Variants in TMEM132C observed in about 807,000 individuals in gnomAD.
The protein encoded by TMEM132C is transmembrane protein 132C.
Under a neutral mutation model 61.4 loss-of-function variants are expected in TMEM132C, and 29 were observed. The ratio of observed to expected loss-of-function variants is 0.47; its 90% CI spans 0.35 to 0.64. The LOEUF is 0.64. Ranked by LOEUF, TMEM132C falls within the 30% of genes least tolerant of loss-of-function variation. The pLI, the probability that TMEM132C is intolerant of heterozygous loss-of-function variation, is 0.00. For missense variants in TMEM132C, 1,408 were observed against 1,476.9 expected (o/e 0.95, Z 0.76); for synonymous variants, 656 against 633.1 (o/e 1.04, Z -0.54).
intron 3 of TMEM132C, among the ~76,000 whole-genome samples, chr12:128,613,664 T>C (rs1876708649): frequency 6.6e-6 from 1 of 152,202 alleles, no homozygotes; most frequent in African/African-American, 2.4e-5. Flanking sequence ...TTCCCGGCCC[T>C]GTGAACTTAA....
At chr12:128,530,326 A>G (rs1294097770) in intron 2 of TMEM132C, among the ~76,000 whole-genome samples, 1 of 152,076 alleles carries the variant, frequency 6.6e-6, no homozygotes, top group Non-Finnish European at 1.5e-5. Context: ...GAGGAAAAAG[A>G]CCTTGATTTA....
Position 128,326,309 on chromosome 12 carries a change from C to T in TMEM132C, c.85+58822C>T, listed in dbSNP as rs868108258. 1.3e-5 allele frequency among the ~76,000 whole-genome samples: 2 copies of T among 152,112 alleles called. No homozygotes were observed. The highest frequency in any genetic ancestry group is 6.5e-5 in the Admixed American group (1 of 15,270). On this transcript the variant is annotated intron_variant, in intron 1 of 8. Transcript: ENST00000435159. This position sits in a 1 kb window ranked among gnomAD's most constrained non-coding sequence, Gnocchi z 5.6. Reference sequence around the variant, plus strand: ...GCCTCCCTGGGCTCTTCTCCGTGTCCGATTCTCTGGATATGAGAGTGTTGT... The same window carrying T: ...GCCTCCCTGGGCTCTTCTCCGTGTCTGATTCTCTGGATATGAGAGTGTTGT...
At chr12:128,388,067 A>G (rs554121759) in intron 1 of TMEM132C, among the ~76,000 whole-genome samples, 2 of 152,256 alleles carry the variant, frequency 1.3e-5, no homozygotes, top group South Asian at 2.1e-4. Context: ...CAGGGCTTCT[A>G]TTTCACCCAG....
At chr12:128,569,908 A>G (rs78221893) in intron 3 of TMEM132C, among the ~76,000 whole-genome samples, 2,653 of 152,284 alleles carry the variant, frequency 0.017, 75 homozygotes, top group African/African-American at 0.06. Context: ...ATAAAATAAA[A>G]AACCAACCTC....
rs572785740 is a variant in TMEM132C at position 128,536,397 on chromosome 12, G to C, written c.975-7560G>C. On this transcript the variant is annotated intron_variant, in intron 2 of 8. Transcript: ENST00000435159. ...CACACACCAGGGCCTGTCATGGGGT[G>C]GGGGGCTGGGGGAGGGATAGCATTA... Among the ~76,000 whole-genome samples the C allele has an allele frequency of 1.9e-4, 29 of 152,226 alleles. No homozygotes were observed. The South Asian group carries it at 6.0e-3, about 32-fold the overall frequency.
chr12:128,431,514 C>T (rs1266845091), intron 2 of TMEM132C, among the ~76,000 whole-genome samples: 1 of 150,414 alleles, frequency 6.6e-6, no homozygotes, highest in Non-Finnish European at 1.5e-5. Flanking sequence ...GAAATAGCTT[C>T]CTCTTGGATC....
At chr12:128,622,365 A>ATATG (rs1953976151) in intron 4 of TMEM132C, among the ~76,000 whole-genome samples, 1 of 52,314 alleles carries the variant, frequency 1.9e-5, no homozygotes, top group East Asian at 5.0e-4. Flanking sequence ...AAAAAAATAT[A>ATATG]TATATATATA....
chr12:128,472,450 G>A (rs1032900567), intron 2 of TMEM132C, among the ~76,000 whole-genome samples: 1 of 152,190 alleles, frequency 6.6e-6, no homozygotes, highest in Non-Finnish European at 1.5e-5. Flanking sequence ...ACTCCAGGGA[G>A]CCTTAGTAGG....
At chr12:128,600,984 G>C (rs1876164415) in intron 3 of TMEM132C, among the ~76,000 whole-genome samples, 2 of 152,262 alleles carry the variant, frequency 1.3e-5, no homozygotes, top group African/African-American at 4.8e-5. Flanking sequence ...CTTTTGCATA[G>C]TTAATTCAGC....
chr12:128,493,116 C>T (rs1317096108), intron 2 of TMEM132C, among the ~76,000 whole-genome samples: 8 of 152,100 alleles, frequency 5.3e-5, no homozygotes, highest in Non-Finnish European at 1.5e-5. Context: ...AATCCTTTCC[C>T]CATTTCTTGT....
intron 1 of TMEM132C, among the ~76,000 whole-genome samples, chr12:128,303,842 A>G (rs1293035690): frequency 6.6e-6 from 1 of 152,164 alleles, no homozygotes. Flanking sequence ...CTCAGACCTC[A>G]GGAGGTTTCT....
intron 1 of TMEM132C, among the ~76,000 whole-genome samples, chr12:128,316,922 C>T (rs964318548): frequency 1.3e-4 from 20 of 152,214 alleles, no homozygotes; most frequent in African/African-American, 4.3e-4. Flanking sequence ...GGGAACCCAC[C>T]ACCCGCAACT....
chr12:128,650,459 C>A (rs937800428), intron 4 of TMEM132C, among the ~76,000 whole-genome samples: 1 of 152,054 alleles, frequency 6.6e-6, no homozygotes, highest in Non-Finnish European at 1.5e-5. Flanking sequence ...CATGGTGGCT[C>A]ACATCTGTAA....
At chr12:128,636,564 T>TTGTGTGTGTGTGTGTGTG (rs61201583) in intron 4 of TMEM132C, among the ~76,000 whole-genome samples, 6 of 142,254 alleles carry the variant, frequency 4.2e-5, no homozygotes, top group African/African-American at 1.6e-4. Flanking sequence ...GGGTTTTTGT[T>TTGTGTGTGTGTGTGTGTG]TGTGTGTGTG....
chr12:128,466,966 G>A (rs1721580121), intron 2 of TMEM132C, among the ~76,000 whole-genome samples: 2 of 152,124 alleles, frequency 1.3e-5, no homozygotes, highest in African/African-American at 4.8e-5. Flanking sequence ...AGACTTTGCC[G>A]AGCTTTTGAG....
intron 1 of TMEM132C, among the ~76,000 whole-genome samples, chr12:128,405,485 T>G (rs1565926519): frequency 6.6e-6 from 1 of 152,200 alleles, no homozygotes; most frequent in East Asian, 1.9e-4. Flanking sequence ...AATTTCCTGC[T>G]TAATTATTTG....
intron 4 of TMEM132C, among the ~76,000 whole-genome samples, chr12:128,657,440 T>G (rs1329928288): frequency 6.6e-6 from 1 of 152,128 alleles, no homozygotes; most frequent in Non-Finnish European, 1.5e-5. Flanking sequence ...TAATGAGATG[T>G]GATGAGATTG....
intron 4 of TMEM132C, among the ~76,000 whole-genome samples, chr12:128,643,210 A>C (rs1318647274): frequency 6.6e-6 from 1 of 152,204 alleles, no homozygotes; most frequent in Non-Finnish European, 1.5e-5. Flanking sequence ...GGACCGGATT[A>C]CCGCTTGTGC....
rs1263173180 is a variant in TMEM132C, at chr12:128,686,093, TGC to T, written c.1450-7733_1450-7732del. ...TGCGTGTGTGCGCATGTGTGTTGTG[TGC>T]GCATGTGTGTGCATGTGTGTGTGCA... On this transcript the variant is annotated intron_variant, in intron 5 of 8. Transcript: ENST00000435159. Among the ~76,000 whole-genome samples, 21 of 149,184 alleles carry T rather than the reference TGC, an allele frequency of 1.4e-4. 1 individual carries two copies. In the South Asian group the frequency reaches 2.5e-3, roughly 18 times the overall value.
Sources: gnomAD v4.1 joint callset for allele counts (sites outside exome capture counted in the v4.1 genomes callset) on GRCh38, gnomAD v4.1.1 for gene constraint, Gnocchi (gnomAD v3.1) non-coding constraint, MANE v1.5 for transcripts, NCBI Gene and HGNC (gene_info 2026-07-23, HGNC 2026-07-21) for gene names.